PIR: variants seen among roughly 807,000 people sequenced by gnomAD.
PIR encodes the protein pirin (iron-binding nuclear protein).
A neutral mutation model predicts 24.2 loss-of-function variants in PIR; 22 were observed. The observed-to-expected ratio is 0.91, with a 90% CI of 0.65 to 1.30. The LOEUF (loss-of-function observed/expected upper bound fraction) is 1.30, where lower values mean the gene tolerates loss of function less well. PIR is among the 50% of genes most tolerant of loss of function. PIR has a pLI of 0.00. For synonymous variants in PIR, 80 were observed against 79.6 expected, an observed-to-expected ratio of 1.00 and a Z score of -0.03; for missense variants, 220 against 220.3, an observed-to-expected ratio of 1.00 and a Z score of 0.01.
At chrX:15,389,339 T>C (rs1923878149) in intron 9 of PIR, among the ~76,000 whole-genome samples, 1 of 111,926 alleles carries the variant, frequency 8.9e-6, no homozygotes, top group South Asian at 3.7e-4. Context: ...TACAATTTAA[T>C]GTTCCCCCTG....
chrX:15,417,232 G>A (rs768117192), intron 6 of PIR, among the ~76,000 whole-genome samples: 2 of 133 alleles, frequency 0.015, no homozygotes, highest in East Asian at 0.25. Flanking sequence ...TTACAGGTGT[G>A]AGCCGCAGCG....
chrX:15,389,389 T>C (rs1423980048), intron 9 of PIR, among the ~76,000 whole-genome samples: 2 of 111,829 alleles, frequency 1.8e-5, no homozygotes, highest in Admixed American at 1.9e-4. Flanking sequence ...TTTAAAGCAA[T>C]CCGTGTTCTT....
chrX:15,435,798 T>C (rs1183052769), intron 5 of PIR, among the ~76,000 whole-genome samples: 1 of 112,215 alleles, frequency 8.9e-6, no homozygotes, highest in African/African-American at 3.2e-5. Flanking sequence ...GGTAAGGCTT[T>C]GAGGAAGTGA....
At chrX:15,440,138 C>G (rs1925868892) in intron 5 of PIR, among the ~76,000 whole-genome samples, 1 of 111,667 alleles carries the variant, frequency 9.0e-6, no homozygotes, top group Non-Finnish European at 1.9e-5. Flanking sequence ...CAAGACCATT[C>G]CCCATTGGCT....
intron 5 of PIR, among the ~76,000 whole-genome samples, chrX:15,432,138 G>A (rs1327807009): frequency 9.0e-6 from 1 of 110,874 alleles, no homozygotes; most frequent in Non-Finnish European, 1.9e-5. Context: ...ATTAATTAAG[G>A]CCACTTGCAT....
At chrX:15,461,608 C>T (rs1387458533) in intron 3 of PIR, among the ~76,000 whole-genome samples, 1 of 111,623 alleles carries the variant, frequency 9.0e-6, no homozygotes, top group Non-Finnish European at 1.9e-5. Context: ...TGGTGAAACC[C>T]TGTCTCTACT....
chrX:15,387,063 CTTTTCTTTTCTTTTTTT>C (rs1923779038), intron 9 of PIR, among the ~76,000 whole-genome samples: 2 of 23,016 alleles, frequency 8.7e-5, no homozygotes, highest in Admixed American at 6.2e-4. Flanking sequence ...TTTTGTTTTT[CTTTTCTTTTCTTTTTTT>C]TTTTTTTTTT....
intron 6 of PIR, among the ~76,000 whole-genome samples, chrX:15,421,978 G>C (rs1231022871): frequency 1.8e-5 from 2 of 111,828 alleles, no homozygotes; most frequent in African/African-American, 6.5e-5. Flanking sequence ...AGGATGCAAA[G>C]ATGTTTCAAC....
rs1219360957 is a variant in PIR, at chrX:15,452,147, G to A, written c.480+3701C>T. ...TCCTCAAGGTTTGCTTCTGACAACA[G>A]AATTTAGAGCAGCAGGAGGCAAGTA... On this transcript the variant is annotated intron_variant, in intron 5 of 9. Coordinates refer to ENST00000380420, the MANE Select transcript of PIR (RefSeq NM_001018109.3). 1.8e-5 allele frequency among the ~76,000 whole-genome samples: 2 copies of A among 111,766 alleles called. 1 individual carries two copies. The highest frequency in any genetic ancestry group is 3.8e-5 in the Non-Finnish European group (2 of 53,150).
At chrX:15,444,388 A>T in intron 5 of PIR, among the ~76,000 whole-genome samples, 1 of 112,712 alleles carries the variant, frequency 8.9e-6, no homozygotes, top group Non-Finnish European at 1.9e-5. Flanking sequence ...CATACTTAAC[A>T]GACTACAAAA....
At chrX:15,424,300 C>T (rs1925232561) in intron 6 of PIR, among the ~76,000 whole-genome samples, 1 of 111,890 alleles carries the variant, frequency 8.9e-6, no homozygotes, top group African/African-American at 3.3e-5. Flanking sequence ...AAGCCAGGCA[C>T]AGAAAGACAA....
At chrX:15,438,616 A>AG in intron 5 of PIR, among the ~76,000 whole-genome samples, 1 of 112,196 alleles carries the variant, frequency 8.9e-6, no homozygotes. Flanking sequence ...AGAGTCGCTC[A>AG]GCCTCATTAT....
chrX:15,463,560 G>A (rs1468980346), intron 3 of PIR, among the ~76,000 whole-genome samples: 1 of 111,841 alleles, frequency 8.9e-6, no homozygotes, highest in Non-Finnish European at 1.9e-5. Flanking sequence ...TAATATCATT[G>A]AGGTATACTG....
At chrX:15,401,901 T>C (rs1254799978) in intron 7 of PIR, among the ~76,000 whole-genome samples, 2 of 112,564 alleles carry the variant, frequency 1.8e-5, no homozygotes, top group African/African-American at 6.5e-5. Flanking sequence ...AGTACTTCTA[T>C]CATAGGTTTG....
chrX:15,447,142 C>T (rs921271513), intron 5 of PIR, among the ~76,000 whole-genome samples: 2 of 111,880 alleles, frequency 1.8e-5, no homozygotes, highest in Admixed American at 9.4e-5. Flanking sequence ...TATCTGAACC[C>T]GAATTTGCTC....
intron 7 of PIR, among the ~76,000 whole-genome samples, chrX:15,406,215 C>T (rs1039520038): frequency 8.9e-6 from 1 of 112,464 alleles, no homozygotes; most frequent in African/African-American, 3.2e-5. Flanking sequence ...CACCCATAAC[C>T]GTCTGTGGGG....
At chrX:15,453,835 C>T (rs1056033338) in intron 5 of PIR, among the ~76,000 whole-genome samples, 2 of 111,860 alleles carry the variant, frequency 1.8e-5, no homozygotes, top group Non-Finnish European at 3.8e-5. Flanking sequence ...TCTAAGGATT[C>T]GTGATATCAC....
chrX:15,413,116 T>C (rs1229940760), intron 6 of PIR, among the ~76,000 whole-genome samples: 4 of 112,405 alleles, frequency 3.6e-5, no homozygotes, highest in Non-Finnish European at 7.5e-5. Context: ...ATGTTTTTAA[T>C]CTTCTCTACA....
At chrX:15,480,175 C>CT (rs55669215) in intron 2 of PIR, among the ~76,000 whole-genome samples, 54 of 104,340 alleles carry the variant, frequency 5.2e-4, no homozygotes, top group Admixed American at 4.2e-4. Context: ...GGCACAAACT[C>CT]TTTTTTTTTG....
Sources: gnomAD v4.1 joint callset for allele counts (sites outside exome capture counted in the v4.1 genomes callset) on GRCh38, gnomAD v4.1.1 for gene constraint, MANE v1.5 for transcripts, NCBI Gene and HGNC (gene_info 2026-07-23, HGNC 2026-07-21) for gene names.